Variants in HLA-DOA observed in about 807,000 individuals in gnomAD.
HLA-DOA encodes major histocompatibility complex, class II, DO alpha.
HLA-DOA carries 27 observed loss-of-function variants against 22.9 expected under a neutral mutation model. The ratio of observed to expected loss-of-function variants is 1.18; its 90% confidence interval spans 0.87 to 1.62. The LOEUF (loss-of-function observed/expected upper bound fraction) is 1.62, where lower values mean the gene tolerates loss of function less well. HLA-DOA is among the 40% of genes most tolerant of loss of function. HLA-DOA has a pLI of 0.00. For missense variants in HLA-DOA, 324 were observed against 332.4 expected (o/e 0.97, Z 0.20); for synonymous variants, 137 against 138.6 (o/e 0.99, Z 0.08).
At chr6:33,007,968 C>T in intron 2 of HLA-DOA, 45 bp downstream of exon 2, 1 of 1,581,358 alleles carries the variant, frequency 6.3e-7, no homozygotes, top group Non-Finnish European at 8.6e-7. Context: ...GGAAGTTTCT[C>T]TGGACCTTCC....
chr6:33,009,451 T>C lies in HLA-DOA; in HGVS notation c.82+4A>G. On this transcript the variant is annotated splice_donor_region_variant and intron_variant, in intron 1 of 4. Coordinates refer to ENST00000229829, the MANE Select transcript of HLA-DOA (RefSeq NM_002119.4). This position sits in a 1 kb window ranked among gnomAD's most constrained non-coding sequence, Gnocchi z 4.8. ...CGCCGCACCCTCCTCGCCCTCGCAC[T>C]CACCCTTGGTGGCCCCTGCCTCCTG... 1 of 1,592,336 alleles carries C rather than the reference T, an allele frequency of 6.3e-7. No individual in the cohort carries two copies. Among genetic ancestry groups the C allele is most frequent in the Non-Finnish European group, 8.5e-7 (1 of 1,171,196 alleles).
intron 4 of HLA-DOA, 46 bp from the exon 5 acceptor site, chr6:33,006,887 T>G (rs1210643906): frequency 2.6e-6 from 4 of 1,539,070 alleles, no homozygotes; most frequent in Non-Finnish European, 2.7e-6. Flanking sequence ...AATTTCAATA[T>G]GCTGGGATCC....
rs778314951 is a variant in HLA-DOA at position 33,009,434 on chromosome 6, C to A, written c.82+21G>T. On this transcript the variant is annotated intron_variant, in intron 1 of 4. Coordinates refer to ENST00000229829, the MANE Select transcript of HLA-DOA (RefSeq NM_002119.4). The surrounding 1 kb of genome is among the most constrained non-coding windows in gnomAD (Gnocchi z 4.8). ...CGTAAATCTCTGCTCCCCGCCGCAC[C>A]CTCCTCGCCCTCGCACTCACCCTTG... 3 of 1,548,006 alleles carry A rather than the reference C, an allele frequency of 1.9e-6. No homozygotes were observed. Among genetic ancestry groups the A allele is most frequent in the Non-Finnish European group, 2.6e-6 (3 of 1,146,016 alleles).
rs919948714 is a variant in HLA-DOA, at chr6:33,004,660, T to C, written c.*2178A>G. 6.6e-6 allele frequency: 1 copy of C among 152,110 alleles called. No individual in the cohort carries two copies. The highest frequency in any genetic ancestry group is 2.4e-5 in the African/African-American group (1 of 41,396). 9.4% of individuals were successfully genotyped at this position (152,110 alleles called of 1,614,324 possible). Reference sequence around the variant, plus strand: ...AGGGGGGTCTAGAGAACACAGACCATGTGGATCCGAGAGTGTTGGAGGGGC... The same window carrying C: ...AGGGGGGTCTAGAGAACACAGACCACGTGGATCCGAGAGTGTTGGAGGGGC... On this transcript the variant is annotated 3_prime_UTR_variant, in exon 5 of 5. Transcript: ENST00000229829.
rs531000118 is a variant in HLA-DOA, at chr6:33,007,507, G to A, written c.417C>T (p.Phe139=). Residue 139 remains phenylalanine, a synonymous_variant, in exon 3 of 5, where the codon TTC becomes TTT. Transcript: ENST00000229829. The part of the protein sequence containing the change: ...NILICIVDNI[F]PPVINITWLR... ...GCCAGGTGATATTGATCACAGGGGG[G>A]AAGATGTTGTCCACGATGCAGATGA... The A allele has an allele frequency of 7.4e-6, 12 of 1,612,888 alleles. No homozygotes were observed. Among genetic ancestry groups the A allele is most frequent in the Admixed American group, 1.7e-5 (1 of 59,986 alleles).
chr6:33,008,543 A>C, intron 1 of HLA-DOA: 1 of 736,592 alleles, frequency 1.4e-6, no homozygotes, highest in Non-Finnish European at 1.9e-6. Flanking sequence ...GGGTTCCAGA[A>C]TTTAAATCTT....
intron 1 of HLA-DOA, 152 bp from the exon 2 acceptor site, chr6:33,008,413 G>C: frequency 6.2e-6 from 9 of 1,446,224 alleles, no homozygotes; most frequent in Non-Finnish European, 8.1e-6. Context: ...CCCTGGGAGA[G>C]AGAAAGGGAG....
Position 33,006,782 on chromosome 6 carries a change from A to G in HLA-DOA, c.*56T>C, listed in dbSNP as rs768881441. The G allele has an allele frequency of 2.9e-5, 47 of 1,612,906 alleles. No homozygotes were observed. The African/African-American group carries it at 5.9e-4, about 20-fold the overall frequency. On this transcript the variant is annotated 3_prime_UTR_variant, in exon 5 of 5. Coordinates refer to ENST00000229829, the MANE Select transcript of HLA-DOA (RefSeq NM_002119.4). ...GCACTGAGCACGCAGGGGCTGTCAC[A>G]AACCCATGAGGATCTGCAGGGTGTC...
chr6:33,007,383 G>A lies in HLA-DOA; in HGVS notation c.541C>T (p.Pro181Ser). 6.2e-7 allele frequency: 1 copy of A among 1,605,570 alleles called. No individual in the cohort carries two copies. ...CAGTCATAGACGTCCTCGGCTGAGG[G>A]CACGAAGGGCAGGTAGTGGAACTTG... ...FRKFHYLPFV[P>S]SAEDVYDCQV... Residue 181 changes from proline to serine, a missense_variant, in exon 3 of 5, where the codon CCC (proline) becomes TCC (serine). Physicochemically the swap from Pro to Ser is moderately conservative, Grantham distance 74. Coordinates refer to ENST00000229829, the MANE Select transcript of HLA-DOA (RefSeq NM_002119.4).
chr6:33,006,581 T>C lies in HLA-DOA; in HGVS notation c.*257A>G. The C allele has an allele frequency of 1.6e-6, 1 of 616,314 alleles. No homozygotes were observed. Among genetic ancestry groups the C allele is most frequent in the Non-Finnish European group, 2.9e-6 (1 of 345,028 alleles). 38.2% of individuals were successfully genotyped at this position (616,314 alleles called of 1,614,324 possible). On this transcript the variant is annotated 3_prime_UTR_variant, in exon 5 of 5. Transcript: ENST00000229829. ...ACAGTGCAAACACCACCAAAGCATT[T>C]AGTGCTGCCAGCCAGAGCTTTGGGT...
intron 4 of HLA-DOA, 25 bp downstream of exon 4, chr6:33,007,055 C>T (rs777334555): frequency 5.0e-6 from 8 of 1,594,960 alleles, no homozygotes; most frequent in Non-Finnish European, 6.8e-6. Context: ...CTCCCCCACC[C>T]CCCAGACTCC....
chr6:33,006,973 T>C, intron 4 of HLA-DOA, 107 bp downstream of exon 4: 1 of 1,510,256 alleles, frequency 6.6e-7, no homozygotes. Context: ...TGCCCATTTC[T>C]TTTCTGACTT....
rs1002749401 is a variant in HLA-DOA at position 33,007,079 on chromosome 6, C to T, written c.749+1G>A. On this transcript the variant is annotated splice_donor_variant, in intron 4 of 4. Coordinates refer to ENST00000229829, the MANE Select transcript of HLA-DOA (RefSeq NM_002119.4). LOFTEE classifies it high-confidence loss of function. ...CCCCCAGACTCCCGGGGCCTCTGCA[C>T]CTGGGGACACTGGACACATATGTGC... 6.2e-6 allele frequency: 10 copies of T among 1,609,648 alleles called. No homozygotes were observed. The highest frequency in any genetic ancestry group is 1.1e-5 in the South Asian group (1 of 90,762).
rs1481019076 is a variant in HLA-DOA at position 33,005,723 on chromosome 6, G to C, written c.*1115C>G. ...CTCCCCAGTGGCTGGGAATACAGGT[G>C]CGAGCCACCATGCCTGGTTAATTTT... On this transcript the variant is annotated 3_prime_UTR_variant, in exon 5 of 5. Transcript: ENST00000229829. The C allele has an allele frequency of 1.3e-5, 2 of 152,074 alleles. No individual in the cohort carries two copies. Among genetic ancestry groups the C allele is most frequent in the Non-Finnish European group, 2.9e-5 (2 of 68,058 alleles). 9.4% of individuals were successfully genotyped at this position (152,074 alleles called of 1,614,324 possible). A position where few individuals can be genotyped will look rare whatever the true frequency, so the allele number is the denominator to read the frequency against.
At chr6:33,007,248 G>A in intron 3 of HLA-DOA, 33 bp from the exon 4 acceptor site, 2 of 1,613,492 alleles carry the variant, frequency 1.2e-6, no homozygotes, top group Non-Finnish European at 1.7e-6. Context: ...GGTGGTATAT[G>A]AAAGGATTCT....
intron 3 of HLA-DOA, 29 bp from the exon 4 acceptor site, chr6:33,007,244 A>G (rs775922163): frequency 3.7e-6 from 6 of 1,613,456 alleles, no homozygotes; most frequent in Non-Finnish European, 5.1e-6. Flanking sequence ...AGTTGGTGGT[A>G]TATGAAAGGA....
rs944350737 is a variant in HLA-DOA, at chr6:33,005,646, T to C, written c.*1192A>G. On this transcript the variant is annotated 3_prime_UTR_variant, in exon 5 of 5. Coordinates refer to ENST00000229829, the MANE Select transcript of HLA-DOA (RefSeq NM_002119.4). ...AGGCTGGAGTGCAGTGGCGCAATCT[T>C]GGCTCACTGCAGCCTTGAACTCCTG... 5.3e-5 allele frequency: 8 copies of C among 152,184 alleles called. No individual in the cohort carries two copies. The highest frequency in any genetic ancestry group is 1.9e-4 in the African/African-American group (8 of 41,534). 9.4% of individuals were successfully genotyped at this position (152,184 alleles called of 1,614,324 possible).
rs543687081 is a variant in HLA-DOA at position 33,006,345 on chromosome 6, C to T, written c.*493G>A. ...CAGAACTGTTGTTAGCTGAGGGGGT[C>T]GTGAGGAACAGGATAATCTGCATCC... On this transcript the variant is annotated 3_prime_UTR_variant, in exon 5 of 5. Coordinates refer to ENST00000229829, the MANE Select transcript of HLA-DOA (RefSeq NM_002119.4). 2.9e-3 allele frequency: 605 copies of T among 211,880 alleles called. 2 individuals are homozygous for T. Among genetic ancestry groups the T allele is most frequent in the South Asian group, 0.012 (126 of 10,754 alleles). The allele number at this position is 211,880 out of a possible 1,614,324, so 13.1% of individuals were successfully genotyped here.
In HLA-DOA at chr6:33,007,339, G is replaced by A. The variant is rs1220442679; in HGVS notation, c.585C>T (p.Gly195=). The A allele has an allele frequency of 1.9e-6, 3 of 1,611,678 alleles. No homozygotes were observed. The highest frequency in any genetic ancestry group is 1.3e-5 in the African/African-American group (1 of 74,908). Residue 195 remains glycine, a synonymous_variant, in exon 3 of 5, where the codon GGC becomes GGT. Coordinates refer to ENST00000229829, the MANE Select transcript of HLA-DOA (RefSeq NM_002119.4). ...AATGCCTGAGGAGTGGCGCATCCAG[G>A]CCCCAGTGCTCCACCTGGCAGTCAT... ...DVYDCQVEHW[G]LDAPLLRHWE... is the part of the protein sequence containing the mutation.
Sources: gnomAD v4.1 joint callset for allele counts on GRCh38, gnomAD v4.1.1 for gene constraint, Gnocchi (gnomAD v3.1) non-coding constraint, MANE v1.5 for transcripts, NCBI Gene and HGNC (gene_info 2026-07-23, HGNC 2026-07-21) for gene names.